ERC2: variants seen among roughly 807,000 people sequenced by gnomAD.
ERC2 encodes ERC protein 2.
A neutral mutation model predicts 114.8 loss-of-function variants in ERC2; 42 were observed. That is an observed-to-expected ratio of 0.37 (90% CI 0.29 to 0.47). The LOEUF (loss-of-function observed/expected upper bound fraction) is 0.47. ERC2 is among the 20% of genes least tolerant of loss of function. The probability of loss-of-function intolerance (pLI) is 0.99; values close to 1 mark genes in which losing one functional copy is unlikely to be tolerated. For missense variants in ERC2, 939 were observed against 1,150.7 expected (o/e 0.82, Z 2.66); for synonymous variants, 454 against 425.5 (o/e 1.07, Z -0.82).
intron 2 of ERC2, among the ~76,000 whole-genome samples, chr3:56,389,053 T>C (rs1197228253): frequency 6.6e-6 from 1 of 152,138 alleles, no homozygotes; most frequent in African/African-American, 2.4e-5. Flanking sequence ...TAATGCATAT[T>C]TTATAGAACT....
intron 14 of ERC2, among the ~76,000 whole-genome samples, chr3:55,857,077 A>G (rs1268452032): frequency 6.6e-6 from 1 of 152,142 alleles, no homozygotes; most frequent in Non-Finnish European, 1.5e-5. Context: ...GGGTGGTTCT[A>G]GAATTAGATA....
chr3:56,311,541 C>T (rs141423650), intron 2 of ERC2, among the ~76,000 whole-genome samples: 3,323 of 151,634 alleles, frequency 0.022, 44 homozygotes, highest in South Asian at 0.071. Context: ...CCTCGTGATC[C>T]GCCCGCCTCG....
At chr3:56,276,896 G>C (rs936561732) in intron 3 of ERC2, among the ~76,000 whole-genome samples, 1 of 152,112 alleles carries the variant, frequency 6.6e-6, no homozygotes, top group African/African-American at 2.4e-5. Flanking sequence ...AAATTTTGGG[G>C]GGCCACATTC....
chr3:56,293,770 A>C (rs2055245572), intron 3 of ERC2, among the ~76,000 whole-genome samples: 1 of 152,228 alleles, frequency 6.6e-6, no homozygotes, highest in Non-Finnish European at 1.5e-5. Flanking sequence ...GGATCTAAAC[A>C]TGATCTATAT....
intron 3 of ERC2, among the ~76,000 whole-genome samples, chr3:56,224,913 G>A (rs1352674262): frequency 1.3e-5 from 2 of 152,176 alleles, no homozygotes; most frequent in East Asian, 3.9e-4. Context: ...GTGACCCAGA[G>A]TTAACTTTCT....
Position 55,814,968 on chromosome 3 carries a change from C to T in ERC2, c.2564+73421G>A, listed in dbSNP as rs1301012989. Among the ~76,000 whole-genome samples, 7 of 152,172 alleles carry T rather than the reference C, an allele frequency of 4.6e-5. No individual in the cohort carries two copies. The South Asian group carries it at 1.2e-3, about 27-fold the overall frequency. On this transcript the variant is annotated intron_variant, in intron 14 of 17. Transcript: ENST00000288221. ...CCCCATCCAGAATCCTCCCTTGATT[C>T]CTTAGCACTCTGACCCCTATTGTAG... is the stretch of plus-strand genomic sequence containing the variant.
chr3:56,272,685 G>A (rs376764205), intron 3 of ERC2, among the ~76,000 whole-genome samples: 7 of 152,310 alleles, frequency 4.6e-5, no homozygotes, highest in East Asian at 1.9e-4. Context: ...CAGAAGAATC[G>A]CTTGAACCCA....
intron 3 of ERC2, among the ~76,000 whole-genome samples, chr3:56,288,553 T>G (rs183587295): frequency 6.6e-6 from 1 of 152,218 alleles, no homozygotes; most frequent in Non-Finnish European, 1.5e-5. Context: ...AATTAGCATG[T>G]AGCATTCAAA....
chr3:56,428,761 A>G (rs1476948656), intron 2 of ERC2, among the ~76,000 whole-genome samples: 1 of 152,228 alleles, frequency 6.6e-6, no homozygotes, highest in Non-Finnish European at 1.5e-5. Flanking sequence ...CTAATGTGTT[A>G]AGCCAAAAAT....
intron 6 of ERC2, among the ~76,000 whole-genome samples, chr3:56,136,965 T>C (rs1168376836): frequency 2.0e-5 from 3 of 152,226 alleles, no homozygotes; most frequent in African/African-American, 7.2e-5. Context: ...ACCAACTCTT[T>C]ATTTGGTCAT....
chr3:56,306,605 A>G (rs1270187469), intron 2 of ERC2, among the ~76,000 whole-genome samples: 1 of 152,218 alleles, frequency 6.6e-6, no homozygotes, highest in East Asian at 1.9e-4. Flanking sequence ...CATCAACAGG[A>G]TGGGTAATTT....
chr3:56,272,753 G>A (rs1226170255), intron 3 of ERC2, among the ~76,000 whole-genome samples: 1 of 152,166 alleles, frequency 6.6e-6, no homozygotes, highest in African/African-American at 2.4e-5. Flanking sequence ...CCCAGCGACA[G>A]AGATTTTGTC....
intron 17 of ERC2, among the ~76,000 whole-genome samples, chr3:55,624,968 CTTGT>C (rs2059453399): frequency 6.6e-6 from 1 of 152,080 alleles, no homozygotes. Flanking sequence ...TAAATGGAGG[CTTGT>C]TTATTATGTC....
intron 2 of ERC2, among the ~76,000 whole-genome samples, chr3:56,395,060 CA>C (rs1313874520): frequency 6.6e-6 from 1 of 150,590 alleles, no homozygotes; most frequent in Non-Finnish European, 1.5e-5. Context: ...AAAAAAGTTG[CA>C]AAAAAATTTA....
At chr3:56,143,556 G>C (rs945753631) in intron 5 of ERC2, among the ~76,000 whole-genome samples, 2 of 152,154 alleles carry the variant, frequency 1.3e-5, no homozygotes, top group Non-Finnish European at 2.9e-5. Context: ...TGTAAGACAT[G>C]ACTTTGTTCC....
chr3:55,706,198 C>T (rs77420366), intron 15 of ERC2, among the ~76,000 whole-genome samples: 4,368 of 152,238 alleles, frequency 0.029, 145 homozygotes, highest in African/African-American at 0.074. Flanking sequence ...TTCACTAGGT[C>T]CTCAGCAGTG....
At chr3:56,398,843 T>C (rs1304132851) in intron 2 of ERC2, among the ~76,000 whole-genome samples, 6 of 152,194 alleles carry the variant, frequency 3.9e-5, no homozygotes, top group Admixed American at 3.9e-4. Flanking sequence ...AGCCTTGAAC[T>C]CTTAGCCTCA....
chr3:55,583,515 C>T (rs575632600), intron 17 of ERC2, among the ~76,000 whole-genome samples: 6 of 41,662 alleles, frequency 1.4e-4, no homozygotes, highest in Admixed American at 5.0e-4. Flanking sequence ...CTCCCTCCCT[C>T]CCTCCCTCCC....
intron 3 of ERC2, among the ~76,000 whole-genome samples, chr3:56,271,906 T>C (rs984896719): frequency 2.0e-5 from 3 of 152,200 alleles, no homozygotes; most frequent in East Asian, 1.9e-4. Context: ...GCTCCATCCA[T>C]GTTGCTGCAA....
Sources: allele counts gnomAD v4.1 joint callset (sites outside exome capture counted in the v4.1 genomes callset), GRCh38; gene constraint gnomAD v4.1.1; transcripts MANE v1.5; gene names NCBI Gene and HGNC (gene_info 2026-07-23, HGNC 2026-07-21).